CHST8: variants seen among roughly 807,000 people sequenced by gnomAD.
CHST8 encodes the protein carbohydrate sulfotransferase 8, also known as GALNAC-4-ST1.
CHST8 carries 10 observed loss-of-function variants against 15.0 expected under a neutral mutation model. The observed-to-expected ratio is 0.67, with a 90% confidence interval of 0.41 to 1.13. The LOEUF is 1.13. Among genes scored for constraint, CHST8 ranks in the 50% most tolerant of loss-of-function variants. The pLI is 0.00. For missense variants in CHST8, 634 were observed against 608.2 expected, an observed-to-expected ratio of 1.04 and a Z score of -0.45; for synonymous variants, 259 against 256.6, an observed-to-expected ratio of 1.01 and a Z score of -0.09.
At chr19:33,723,193 G>T (rs1464882204) in intron 3 of CHST8, among the ~76,000 whole-genome samples, 1 of 152,232 alleles carries the variant, frequency 6.6e-6, no homozygotes, top group East Asian at 1.9e-4. Flanking sequence ...GTGCGTGCAT[G>T]CCTGGAGGCT....
At chr19:33,698,081 A>T (rs551316375) in intron 3 of CHST8, among the ~76,000 whole-genome samples, 1 of 152,340 alleles carries the variant, frequency 6.6e-6, no homozygotes, top group Admixed American at 6.5e-5. Context: ...GTTAGAGACC[A>T]GCCTGGGCAA....
At chr19:33,734,303 C>T (rs1974043780) in intron 3 of CHST8, among the ~76,000 whole-genome samples, 1 of 152,162 alleles carries the variant, frequency 6.6e-6, no homozygotes. Context: ...GAATAATCCA[C>T]CTCTTGTTTA....
chr19:33,627,809 T>G (rs929395553), intron 1 of CHST8, among the ~76,000 whole-genome samples: 5 of 152,182 alleles, frequency 3.3e-5, no homozygotes, highest in African/African-American at 1.2e-4. Context: ...ATTAGGTGTC[T>G]TGCACTGTAC....
Position 33,680,304 on chromosome 19 carries a change from T to C in CHST8, c.-86-8872T>C, listed in dbSNP as rs16968375. ...CTTTTTCTTTTCTTTCCCTCACAAC[T>C]GTGACTCAAAATCCCATTCTGGGCC... On this transcript the variant is annotated intron_variant, in intron 2 of 4. Coordinates refer to ENST00000650847, the MANE Select transcript of CHST8 (RefSeq NM_001127895.2). Among the ~76,000 whole-genome samples the C allele has an allele frequency of 8.7e-3, 1,319 of 152,350 alleles. 14 individuals carry two copies. The highest frequency in any genetic ancestry group is 0.03 in the African/African-American group (1,257 of 41,574).
chr19:33,623,211 G>A (rs900559989), intron 1 of CHST8, among the ~76,000 whole-genome samples: 2 of 152,188 alleles, frequency 1.3e-5, no homozygotes, highest in African/African-American at 4.8e-5. Context: ...AAGCGGCTGC[G>A]GCGCCCTCGG....
At chr19:33,718,989 A>T (rs1277276357) in intron 3 of CHST8, among the ~76,000 whole-genome samples, 1 of 151,978 alleles carries the variant, frequency 6.6e-6, no homozygotes, top group Admixed American at 6.5e-5. Context: ...GACTTGTTGG[A>T]GAGGTGTCTC....
intron 3 of CHST8, among the ~76,000 whole-genome samples, chr19:33,695,121 A>AT (rs1973186304): frequency 6.6e-6 from 1 of 151,776 alleles, no homozygotes; most frequent in East Asian, 1.9e-4. Flanking sequence ...TATTTATTTT[A>AT]TTTTTTATAC....
At chr19:33,750,250 A>G (rs559242417) in intron 3 of CHST8, among the ~76,000 whole-genome samples, 1 of 152,174 alleles carries the variant, frequency 6.6e-6, no homozygotes, top group Non-Finnish European at 1.5e-5. Context: ...GCAGGGTCCT[A>G]TTACTTGAGT....
At chr19:33,634,387 C>T (rs1187792824) in intron 1 of CHST8, among the ~76,000 whole-genome samples, 3 of 152,170 alleles carry the variant, frequency 2.0e-5, no homozygotes, top group Non-Finnish European at 2.9e-5. Flanking sequence ...TGAAAATTTC[C>T]TTTCGTCCCC....
chr19:33,712,114 T>G (rs1055114281), intron 3 of CHST8, among the ~76,000 whole-genome samples: 3 of 152,172 alleles, frequency 2.0e-5, no homozygotes, highest in Non-Finnish European at 2.9e-5. Flanking sequence ...TGGACTTTAT[T>G]TAAAACAAGG....
intron 3 of CHST8, among the ~76,000 whole-genome samples, chr19:33,731,896 C>T (rs1305021033): frequency 2.0e-5 from 3 of 152,166 alleles, no homozygotes; most frequent in Admixed American, 1.3e-4. Flanking sequence ...CTCTTTTCCA[C>T]TCCAAGAAGC....
intron 3 of CHST8, among the ~76,000 whole-genome samples, chr19:33,690,953 A>G (rs935633689): frequency 6.6e-6 from 1 of 152,244 alleles, no homozygotes; most frequent in East Asian, 1.9e-4. Flanking sequence ...GCATGTAGGC[A>G]GAGGGTCCAG....
chr19:33,718,575 A>T (rs1341005147), intron 3 of CHST8, among the ~76,000 whole-genome samples: 1 of 152,064 alleles, frequency 6.6e-6, no homozygotes, highest in Non-Finnish European at 1.5e-5. Context: ...TTCCAAAATC[A>T]TGTTGCAATC....
At chr19:33,722,541 C>A (rs1973819604) in intron 3 of CHST8, among the ~76,000 whole-genome samples, 1 of 152,226 alleles carries the variant, frequency 6.6e-6, no homozygotes, top group African/African-American at 2.4e-5. Flanking sequence ...GCACACCCAG[C>A]ATTCCTGTGG....
intron 1 of CHST8, among the ~76,000 whole-genome samples, chr19:33,622,614 G>A (rs1177517490): frequency 2.0e-5 from 3 of 152,158 alleles, no homozygotes; most frequent in African/African-American, 7.2e-5. Flanking sequence ...TCCGCCTCCT[G>A]GCCCTCGGTG....
intron 1 of CHST8, among the ~76,000 whole-genome samples, chr19:33,662,396 C>T (rs1218956800): frequency 6.6e-6 from 1 of 152,192 alleles, no homozygotes; most frequent in African/African-American, 2.4e-5. Flanking sequence ...CAATTTCGTA[C>T]ATCACTCCAC....
At chr19:33,690,233 G>A (rs1973074460) in intron 3 of CHST8, among the ~76,000 whole-genome samples, 1 of 152,138 alleles carries the variant, frequency 6.6e-6, no homozygotes, top group Non-Finnish European at 1.5e-5. Context: ...ACAAGCTGGT[G>A]CACCCCCAGA....
chr19:33,671,920 G>A (rs963943916), intron 2 of CHST8, among the ~76,000 whole-genome samples: 3 of 151,998 alleles, frequency 2.0e-5, no homozygotes, highest in Non-Finnish European at 4.4e-5. Context: ...CAGAGGGGAG[G>A]AGGGTTGCAA....
intron 3 of CHST8, among the ~76,000 whole-genome samples, chr19:33,757,526 A>AGAGAGAGAGAGAGAG (rs1568358815): frequency 1.1e-4 from 2 of 17,666 alleles, no homozygotes; most frequent in Non-Finnish European, 2.3e-4. Flanking sequence ...AAGAAAGAGA[A>AGAGAGAGAGAGAGAG]AGAAAGAAAG....
Sources: gnomAD v4.1 joint callset for allele counts (sites outside exome capture counted in the v4.1 genomes callset) on GRCh38, gnomAD v4.1.1 for gene constraint, MANE v1.5 for transcripts, NCBI Gene and HGNC (gene_info 2026-07-23, HGNC 2026-07-21) for gene names.